The following RBMS1 variants were observed in gnomAD, a reference collection of about 807,000 sequenced individuals.
RBMS1 encodes the protein RNA-binding motif, single-stranded-interacting protein 1.
In RBMS1, 17 loss-of-function variants were observed where a neutral mutation model predicts 62.3. That is an observed-to-expected ratio of 0.27 (90% CI 0.19 to 0.41). The LOEUF is 0.41. Ranked by LOEUF, RBMS1 falls within the 10% of genes least tolerant of loss-of-function variation. The pLI is 1.00. For synonymous variants in RBMS1, 172 were observed against 170.0 expected (o/e 1.01, Z -0.09); for missense variants, 334 against 504.5 (o/e 0.66, Z 3.24).
chr2:160,433,636 T>C (rs1682994792), intron 1 of RBMS1, among the ~76,000 whole-genome samples: 1 of 152,168 alleles, frequency 6.6e-6, no homozygotes, highest in African/African-American at 2.4e-5. Flanking sequence ...AAGTGAAAAA[T>C]AGGCTTCCGT....
At chr2:160,450,445 C>G (rs13021158) in intron 1 of RBMS1, among the ~76,000 whole-genome samples, 40,196 of 150,868 alleles carry the variant, frequency 0.27, 6,248 homozygotes, top group East Asian at 0.6. Flanking sequence ...GAGGCTGAGG[C>G]AGGAAAATCG....
chr2:160,282,042 AAG>A, intron 9 of RBMS1: 1 of 340,086 alleles, frequency 2.9e-6, no homozygotes, highest in Non-Finnish European at 5.7e-6. Context: ...TGTGGCAGGA[AAG>A]AAAGCATGTG....
At chr2:160,458,796 CAA>C (rs72225066) in intron 1 of RBMS1, among the ~76,000 whole-genome samples, 6 of 126,182 alleles carry the variant, frequency 4.8e-5, no homozygotes, top group Non-Finnish European at 5.2e-5. Context: ...AACTCTGTCT[CAA>C]AAAAAAAAAA....
At chr2:160,361,603 T>C (rs941119396) in intron 2 of RBMS1, among the ~76,000 whole-genome samples, 17 of 152,238 alleles carry the variant, frequency 1.1e-4, no homozygotes, top group Non-Finnish European at 2.5e-4. Context: ...CACTATATTG[T>C]AGCTTATTAT....
At chr2:160,419,225 T>G (rs1011848324) in intron 1 of RBMS1, among the ~76,000 whole-genome samples, 1 of 152,188 alleles carries the variant, frequency 6.6e-6, no homozygotes, top group Non-Finnish European at 1.5e-5. Flanking sequence ...GGGGGACTCT[T>G]TTAAGAAGTC....
chr2:160,394,400 A>T (rs1454763468), intron 1 of RBMS1, among the ~76,000 whole-genome samples: 1 of 152,178 alleles, frequency 6.6e-6, no homozygotes, highest in Non-Finnish European at 1.5e-5. Context: ...AAGTATGCAA[A>T]TTTTTCTACC....
At chr2:160,346,426 T>G (rs1692177675) in intron 2 of RBMS1, among the ~76,000 whole-genome samples, 1 of 152,064 alleles carries the variant, frequency 6.6e-6, no homozygotes, top group Admixed American at 6.6e-5. Context: ...TTTATCAAAA[T>G]GGTATAAAAT....
At chr2:160,352,338 A>T (rs1265630122) in intron 2 of RBMS1, among the ~76,000 whole-genome samples, 1 of 152,114 alleles carries the variant, frequency 6.6e-6, no homozygotes, top group Non-Finnish European at 1.5e-5. Flanking sequence ...CTTTCTGATA[A>T]TATTGCTGCA....
At chr2:160,449,761 C>G (rs1226872019) in intron 1 of RBMS1, among the ~76,000 whole-genome samples, 3 of 152,080 alleles carry the variant, frequency 2.0e-5, no homozygotes, top group Admixed American at 2.0e-4. Flanking sequence ...GACCTCCCCT[C>G]CACTATTGTC....
intron 1 of RBMS1, among the ~76,000 whole-genome samples, chr2:160,386,692 C>A (rs919301423): frequency 1.3e-5 from 2 of 152,166 alleles, no homozygotes; most frequent in Non-Finnish European, 2.9e-5. Flanking sequence ...AGCAGTCTAC[C>A]ACCCAGAAGA....
chr2:160,472,381 T>C (rs1173208165), intron 1 of RBMS1, among the ~76,000 whole-genome samples: 2 of 152,168 alleles, frequency 1.3e-5, no homozygotes, highest in South Asian at 2.1e-4. Context: ...TCAAAAAAAA[T>C]TGCTTCAGTT....
At chr2:160,318,794 G>A (rs1021382261) in intron 2 of RBMS1, among the ~76,000 whole-genome samples, 1 of 152,132 alleles carries the variant, frequency 6.6e-6, no homozygotes, top group African/African-American at 2.4e-5. Context: ...TTTTACTGAG[G>A]ACTTTTATAA....
intron 1 of RBMS1, among the ~76,000 whole-genome samples, chr2:160,421,193 C>T (rs1002977702): frequency 2.6e-5 from 4 of 151,702 alleles, no homozygotes; most frequent in South Asian, 2.1e-4. Flanking sequence ...ATGTGTACAA[C>T]GTGCAGGTTT....
intron 1 of RBMS1, chr2:160,408,644 T>G (rs1306237764): frequency 6.6e-6 from 1 of 152,162 alleles, no homozygotes; most frequent in East Asian, 1.9e-4. Flanking sequence ...CAAATGTGTT[T>G]TCTTAGGACA....
rs1032454929 is a variant in RBMS1, at chr2:160,407,764, G to C, written c.76-40373C>G. On this transcript the variant is annotated intron_variant, in intron 1 of 13. Transcript: ENST00000348849. ...TACGGCGCGGCAGCGGGCGAGACTC[G>C]AGCAGCTCGGGCAGCCGCCGCCCTG... 5.8e-5 allele frequency: 57 copies of C among 981,236 alleles called. No homozygotes were observed. In the African/African-American group the frequency reaches 7.4e-4, roughly 13 times the overall value. 60.8% of individuals were successfully genotyped at this position (981,236 alleles called of 1,614,324 possible). A position where few individuals can be genotyped will look rare whatever the true frequency, so the allele number is the denominator to read the frequency against.
At position 160,355,621 on chromosome 2, in the gene RBMS1, T is replaced by C. The variant is rs573612685; in HGVS notation, c.251+11595A>G. Reference sequence around the variant, plus strand: ...TCTCAGTGAAGTACAAGTCCTCTTCTGGTGTTAAAGATTCCCCCCATCATG... The same window carrying C: ...TCTCAGTGAAGTACAAGTCCTCTTCCGGTGTTAAAGATTCCCCCCATCATG... On this transcript the variant is annotated intron_variant, in intron 2 of 13. Coordinates refer to ENST00000348849, the MANE Select transcript of RBMS1 (RefSeq NM_016836.4). Among the ~76,000 whole-genome samples the C allele has an allele frequency of 7.2e-5, 11 of 152,142 alleles. No individual in the cohort carries two copies. In the East Asian group the frequency reaches 1.7e-3, roughly 24 times the overall value.
chr2:160,318,963 A>G (rs553760860), intron 2 of RBMS1, among the ~76,000 whole-genome samples: 2 of 152,348 alleles, frequency 1.3e-5, no homozygotes, highest in East Asian at 3.9e-4. Flanking sequence ...CATTAATTTT[A>G]TGAAGTTTCT....
intron 1 of RBMS1, among the ~76,000 whole-genome samples, chr2:160,414,846 C>CAAA (rs11404886): frequency 7.8e-6 from 1 of 128,074 alleles, no homozygotes; most frequent in African/African-American, 2.8e-5. Flanking sequence ...GACCCTGTCT[C>CAAA]AAAAAAAAAA....
At position 160,277,302 on chromosome 2, in the gene RBMS1, C is replaced by T; in HGVS notation, c.1143+1G>A. The stretch of plus-strand genomic sequence containing the variant: ...ATGGTCACTGGATGGTCTCTACCAA[C>T]CTCAACAGGAACCGCTGTCGTCTGC... On this transcript the variant is annotated splice_donor_variant, in intron 12 of 13. Coordinates refer to ENST00000348849, the MANE Select transcript of RBMS1 (RefSeq NM_016836.4). LOFTEE classifies it high-confidence loss of function. The T allele has an allele frequency of 6.2e-7, 1 of 1,607,708 alleles. No individual in the cohort carries two copies. Among genetic ancestry groups the T allele is most frequent in the Non-Finnish European group, 8.5e-7 (1 of 1,174,300 alleles).
Sources: gnomAD v4.1 joint callset for allele counts (sites outside exome capture counted in the v4.1 genomes callset) on GRCh38, gnomAD v4.1.1 for gene constraint, MANE v1.5 for transcripts, NCBI Gene and HGNC (gene_info 2026-07-23, HGNC 2026-07-21) for gene names.